Variants in GUCY1A2 observed in about 807,000 individuals in gnomAD.
GUCY1A2 encodes guanylate cyclase 1 soluble subunit alpha 2, also known as guanylate cyclase soluble subunit alpha-2.
Under a neutral mutation model 63.5 loss-of-function variants are expected in GUCY1A2, and 27 were observed. The ratio of observed to expected loss-of-function variants is 0.43; its 90% CI spans 0.31 to 0.59. The LOEUF (loss-of-function observed/expected upper bound fraction) is 0.59. Ranked by LOEUF, GUCY1A2 falls within the 20% of genes least tolerant of loss-of-function variation. The probability of loss-of-function intolerance (pLI) is 0.11; values close to 1 mark genes in which losing one functional copy is unlikely to be tolerated. For synonymous variants in GUCY1A2, 364 were observed against 343.5 expected, an observed-to-expected ratio of 1.06 and a Z score of -0.66; for missense variants, 768 against 913.3, an observed-to-expected ratio of 0.84 and a Z score of 2.05.
intron 5 of GUCY1A2, among the ~76,000 whole-genome samples, chr11:106,788,786 G>C (rs184335436): frequency 2.6e-5 from 4 of 152,162 alleles, no homozygotes; most frequent in Non-Finnish European, 5.9e-5. Context: ...CCAGTACCAC[G>C]TTATTTTGGT....
intron 4 of GUCY1A2, among the ~76,000 whole-genome samples, chr11:106,911,042 A>C (rs1057031282): frequency 6.6e-6 from 1 of 151,960 alleles, no homozygotes; most frequent in Non-Finnish European, 1.5e-5. Flanking sequence ...GTTGAAGTTC[A>C]GTAAGTATGT....
At chr11:106,810,745 CA>C (rs1199414581) in intron 4 of GUCY1A2, among the ~76,000 whole-genome samples, 1 of 151,944 alleles carries the variant, frequency 6.6e-6, no homozygotes, top group African/African-American at 2.4e-5. Context: ...AACAGGAAAA[CA>C]TTTTTTATTC....
intron 6 of GUCY1A2, among the ~76,000 whole-genome samples, chr11:106,751,278 A>C (rs1863877725): frequency 6.6e-6 from 1 of 152,266 alleles, no homozygotes; most frequent in Middle Eastern, 3.4e-3. Context: ...AAATGTACAC[A>C]TATGAGAAGG....
At position 107,018,114 on chromosome 11, in the gene GUCY1A2, A is replaced by AGGCGGCGGT. The variant is rs1460573963; in HGVS notation, c.-68_-60dup. On this transcript the variant is annotated 5_prime_UTR_variant, in exon 1 of 8. Coordinates refer to ENST00000526355, the MANE Select transcript of GUCY1A2 (RefSeq NM_000855.3). ...GCGGCGAGGACGCGAGCGGCGGCGG[A>AGGCGGCGGT]GGCGGCGGTGGCGGGACCGGCAAGC... 1.7e-6 allele frequency: 2 copies of AGGCGGCGGT among 1,182,968 alleles called. No individual in the cohort carries two copies. The highest frequency in any genetic ancestry group is 2.2e-6 in the Non-Finnish European group (2 of 898,530). The allele number at this position is 1,182,968 out of a possible 1,614,324, so 73.3% of individuals were successfully genotyped here.
At chr11:106,893,195 C>T (rs1048139794) in intron 4 of GUCY1A2, among the ~76,000 whole-genome samples, 1 of 152,084 alleles carries the variant, frequency 6.6e-6, no homozygotes, top group Non-Finnish European at 1.5e-5. Context: ...TCTCCTCAGT[C>T]CCAGGGAACT....
chr11:106,758,100 C>A (rs987662826), intron 6 of GUCY1A2, among the ~76,000 whole-genome samples: 1 of 152,200 alleles, frequency 6.6e-6, no homozygotes, highest in Admixed American at 6.5e-5. Context: ...CTGCGGTGGG[C>A]TCCACCCAGT....
chr11:106,901,975 G>T (rs1860140513), intron 4 of GUCY1A2, among the ~76,000 whole-genome samples: 1 of 152,104 alleles, frequency 6.6e-6, no homozygotes, highest in Non-Finnish European at 1.5e-5. Flanking sequence ...ATTCCAGAAG[G>T]TTTTCAATTT....
chr11:106,718,254 G>C (rs1278480992), intron 6 of GUCY1A2, among the ~76,000 whole-genome samples: 1 of 151,932 alleles, frequency 6.6e-6, no homozygotes, highest in African/African-American at 2.4e-5. Context: ...TATAATATGA[G>C]CTATTATCAC....
At chr11:106,816,142 C>T (rs892169598) in intron 4 of GUCY1A2, among the ~76,000 whole-genome samples, 5 of 138,886 alleles carry the variant, frequency 3.6e-5, no homozygotes, top group African/African-American at 1.1e-4. Context: ...TTTGACAATC[C>T]AACAACAGCA....
intron 3 of GUCY1A2, among the ~76,000 whole-genome samples, chr11:106,942,000 A>G (rs1454529460): frequency 5.3e-5 from 8 of 152,330 alleles, no homozygotes; most frequent in Non-Finnish European, 1.5e-5. Context: ...GCTCTTCAAC[A>G]TGTGTTGCAT....
intron 6 of GUCY1A2, among the ~76,000 whole-genome samples, chr11:106,736,272 G>A (rs1469413286): frequency 1.3e-5 from 2 of 152,102 alleles, no homozygotes; most frequent in Non-Finnish European, 2.9e-5. Context: ...TGAGGTCTAA[G>A]AATTTAAATC....
rs567868473 is a variant in GUCY1A2 at position 106,995,710 on chromosome 11, C to CA, written c.304-9580dup. 1.7e-4 allele frequency among the ~76,000 whole-genome samples: 26 copies of CA among 152,252 alleles called. No individual in the cohort carries two copies. The South Asian group carries it at 5.2e-3, about 30-fold the overall frequency. On this transcript the variant is annotated intron_variant, in intron 1 of 7. Coordinates refer to ENST00000526355, the MANE Select transcript of GUCY1A2 (RefSeq NM_000855.3). Reference sequence around the variant, plus strand: ...ATAAATCTCTTGATTATGAAGTAGTCAAAAAATTGCTAAATTGAACTAAAC... The same window carrying CA: ...ATAAATCTCTTGATTATGAAGTAGTCAAAAAAATTGCTAAATTGAACTAAAC...
chr11:106,988,999 C>A (rs747846507), intron 1 of GUCY1A2, among the ~76,000 whole-genome samples: 2 of 152,192 alleles, frequency 1.3e-5, no homozygotes, highest in Non-Finnish European at 2.9e-5. Flanking sequence ...GTGGTAGGGT[C>A]CAGCTCTCAA....
chr11:106,893,877 G>C (rs747358414), intron 4 of GUCY1A2, among the ~76,000 whole-genome samples: 1 of 152,096 alleles, frequency 6.6e-6, no homozygotes, highest in East Asian at 1.9e-4. Context: ...CAGTCATCCC[G>C]GAGACTGCAC....
intron 5 of GUCY1A2, among the ~76,000 whole-genome samples, chr11:106,779,676 T>A (rs182447213): frequency 1.3e-5 from 2 of 152,288 alleles, no homozygotes; most frequent in Non-Finnish European, 2.9e-5. Flanking sequence ...TGCATTGAAT[T>A]CCATTAAATA....
chr11:106,960,145 GT>G (rs1861040735), intron 3 of GUCY1A2, among the ~76,000 whole-genome samples: 1 of 152,188 alleles, frequency 6.6e-6, no homozygotes, highest in South Asian at 2.1e-4. Flanking sequence ...TAGTTGGACT[GT>G]TGGTTGTTGC....
chr11:106,870,813 A>C (rs893623614), intron 4 of GUCY1A2, among the ~76,000 whole-genome samples: 25 of 152,098 alleles, frequency 1.6e-4, no homozygotes, highest in African/African-American at 6.0e-4. Context: ...TGTTTTAATT[A>C]ATTGATGTAT....
At chr11:106,767,157 A>G (rs1337024325) in intron 6 of GUCY1A2, among the ~76,000 whole-genome samples, 1 of 152,136 alleles carries the variant, frequency 6.6e-6, no homozygotes, top group Non-Finnish European at 1.5e-5. Flanking sequence ...CATGAAATAG[A>G]TTATAACTTA....
intron 7 of GUCY1A2, among the ~76,000 whole-genome samples, chr11:106,705,858 C>CA (rs922261113): frequency 5.3e-5 from 8 of 150,882 alleles, no homozygotes; most frequent in East Asian, 1.9e-4. Context: ...AGACTCGTCT[C>CA]AAAAAAAAGA....
Sources: allele counts gnomAD v4.1 joint callset (sites outside exome capture counted in the v4.1 genomes callset), GRCh38; gene constraint gnomAD v4.1.1; transcripts MANE v1.5; gene names NCBI Gene and HGNC (gene_info 2026-07-23, HGNC 2026-07-21).